Variants in PSD3 observed in about 807,000 individuals in gnomAD.
PSD3 encodes the protein pleckstrin and Sec7 domain containing 3, also known as PH and SEC7 domain-containing protein 3.
PSD3 carries 49 observed loss-of-function variants against 105.5 expected under a neutral mutation model. The observed-to-expected ratio is 0.46, with a 90% CI of 0.37 to 0.59. PSD3 has a LOEUF of 0.59. Ranked by LOEUF, PSD3 falls within the 20% of genes least tolerant of loss-of-function variation. The pLI is 0.00. For missense variants in PSD3, 1,561 were observed against 1,263.8 expected (o/e 1.24, Z -3.57); for synonymous variants, 557 against 457.8 (o/e 1.22, Z -2.77).
intron 9 of PSD3, among the ~76,000 whole-genome samples, chr8:18,753,624 T>C (rs1347012842): frequency 1.2e-4 from 18 of 152,114 alleles, no homozygotes; most frequent in African/African-American, 4.3e-4. Flanking sequence ...AAATCCAACA[T>C]TGACAGGGAA....
chr8:18,968,703 C>T (rs1396084363), intron 1 of PSD3, among the ~76,000 whole-genome samples: 4 of 151,820 alleles, frequency 2.6e-5, no homozygotes, highest in Admixed American at 6.6e-5. Context: ...GGTGAAACCC[C>T]GTCTCTAATA....
chr8:18,818,917 G>T (rs1812455871), intron 4 of PSD3, among the ~76,000 whole-genome samples: 1 of 152,080 alleles, frequency 6.6e-6, no homozygotes, highest in African/African-American at 2.4e-5. Context: ...AGTCATCCCT[G>T]CCAGGGCTCA....
At chr8:18,947,874 G>A (rs960450049) in intron 1 of PSD3, among the ~76,000 whole-genome samples, 1 of 151,998 alleles carries the variant, frequency 6.6e-6, no homozygotes, top group African/African-American at 2.4e-5. Flanking sequence ...AAGCTAGGAC[G>A]GTACACATTC....
intron 4 of PSD3, among the ~76,000 whole-genome samples, chr8:18,812,613 A>G (rs1811790615): frequency 1.3e-5 from 2 of 152,130 alleles, no homozygotes; most frequent in Non-Finnish European, 1.5e-5. Context: ...TTTAGTCCTG[A>G]GCAACTTCAA....
intron 2 of PSD3, among the ~76,000 whole-genome samples, chr8:18,886,645 T>C (rs752489198): frequency 1.3e-5 from 2 of 152,188 alleles, no homozygotes; most frequent in African/African-American, 2.4e-5. Context: ...CCATTGATCA[T>C]AGAAAATGCC....
At chr8:18,789,389 T>C (rs1809488599) in intron 8 of PSD3, among the ~76,000 whole-genome samples, 1 of 152,212 alleles carries the variant, frequency 6.6e-6, no homozygotes, top group Non-Finnish European at 1.5e-5. Context: ...TTTTAAGTGC[T>C]ATTCTTTAAT....
intron 8 of PSD3, among the ~76,000 whole-genome samples, chr8:18,789,704 AT>A (rs1404063838): frequency 6.6e-6 from 1 of 152,206 alleles, no homozygotes; most frequent in Non-Finnish European, 1.5e-5. Flanking sequence ...TAACCAAACA[AT>A]TTTTAACTTG....
intron 2 of PSD3, among the ~76,000 whole-genome samples, chr8:18,873,979 C>T (rs1007200415): frequency 6.6e-6 from 1 of 152,134 alleles, no homozygotes; most frequent in Admixed American, 6.5e-5. Context: ...CAAACCAAAA[C>T]TTTCAATTGG....
At chr8:18,813,303 G>A (rs902932028) in intron 4 of PSD3, among the ~76,000 whole-genome samples, 4 of 152,138 alleles carry the variant, frequency 2.6e-5, no homozygotes, top group African/African-American at 9.7e-5. Flanking sequence ...AAGCACTCGT[G>A]GAAGACCAGG....
At chr8:18,672,819 T>A (rs1325008728) in intron 9 of PSD3, among the ~76,000 whole-genome samples, 2 of 152,192 alleles carry the variant, frequency 1.3e-5, no homozygotes, top group Non-Finnish European at 2.9e-5. Context: ...TTGGAAGAGA[T>A]GAAACCTTTT....
At chr8:18,893,186 C>T (rs1485406355) in intron 2 of PSD3, among the ~76,000 whole-genome samples, 2 of 152,236 alleles carry the variant, frequency 1.3e-5, no homozygotes, top group East Asian at 1.9e-4. Context: ...TCGCCATGTA[C>T]TGAGCCTGGG....
intron 5 of PSD3, 38 bp from the exon 6 acceptor site, chr8:18,804,640 A>G (rs760601706): frequency 6.2e-7 from 1 of 1,610,698 alleles, no homozygotes; most frequent in African/African-American, 1.3e-5. Flanking sequence ...ATTGAAAGGT[A>G]AACTATTTAA....
intron 4 of PSD3, among the ~76,000 whole-genome samples, chr8:18,806,551 C>A (rs192248283): frequency 1.4e-3 from 208 of 152,344 alleles, no homozygotes; most frequent in African/African-American, 4.4e-3. Flanking sequence ...ACACTTACCA[C>A]AGATGCTAAA....
At chr8:18,874,467 T>C (rs1817601555) in intron 2 of PSD3, among the ~76,000 whole-genome samples, 1 of 152,136 alleles carries the variant, frequency 6.6e-6, no homozygotes, top group East Asian at 1.9e-4. Flanking sequence ...ACCTGGCCAT[T>C]GTTACCATTT....
chr8:18,594,765 T>G (rs990506302), intron 12 of PSD3, among the ~76,000 whole-genome samples: 3 of 151,988 alleles, frequency 2.0e-5, no homozygotes, highest in Admixed American at 6.6e-5. Context: ...TGTACACGTT[T>G]TACATCATCT....
chr8:18,910,429 T>C (rs541428718), intron 2 of PSD3, among the ~76,000 whole-genome samples: 6 of 112,030 alleles, frequency 5.4e-5, no homozygotes, highest in East Asian at 2.5e-4. Flanking sequence ...TAGGTGGGAA[T>C]TGAACAATGA....
At chr8:19,067,312 A>C (rs938203735) in intron 1 of PSD3, among the ~76,000 whole-genome samples, 24 of 152,292 alleles carry the variant, frequency 1.6e-4, no homozygotes, top group African/African-American at 4.1e-4. Flanking sequence ...ATTCCAGCTC[A>C]GGCTCACAGA....
intron 4 of PSD3, among the ~76,000 whole-genome samples, chr8:18,835,469 T>C (rs555249915): frequency 6.6e-6 from 1 of 152,324 alleles, no homozygotes; most frequent in African/African-American, 2.4e-5. Flanking sequence ...CCAGGAACTT[T>C]TCTAGATTCA....
At chr8:18,609,729 A>G (rs1805113078) in intron 11 of PSD3, among the ~76,000 whole-genome samples, 1 of 152,274 alleles carries the variant, frequency 6.6e-6, no homozygotes, top group South Asian at 2.1e-4. Context: ...AAGAATTTAA[A>G]TAAGTTCATA....
Sources: gnomAD v4.1 joint callset for allele counts (sites outside exome capture counted in the v4.1 genomes callset) on GRCh38, gnomAD v4.1.1 for gene constraint, MANE v1.5 for transcripts, NCBI Gene and HGNC (gene_info 2026-07-23, HGNC 2026-07-21) for gene names.